DNAI4: variants seen among roughly 807,000 people sequenced by gnomAD.
The protein encoded by DNAI4 is dynein axonemal intermediate chain 4.
In DNAI4, 85 loss-of-function variants were observed where a neutral mutation model predicts 105.8. The observed-to-expected ratio is 0.80, with a 90% CI of 0.67 to 0.96. The LOEUF (loss-of-function observed/expected upper bound fraction) is 0.96. DNAI4 is among the 40% of genes least tolerant of loss of function. The pLI is 0.00. For missense variants in DNAI4, 1,014 were observed against 1,005.6 expected, an observed-to-expected ratio of 1.01 and a Z score of -0.11; for synonymous variants, 352 against 331.5, an observed-to-expected ratio of 1.06 and a Z score of -0.67.
At chr1:66,870,269 C>T (rs1287109600) in intron 6 of DNAI4, among the ~76,000 whole-genome samples, 1 of 151,296 alleles carries the variant, frequency 6.6e-6, no homozygotes, top group African/African-American at 2.4e-5. Context: ...TGGTGAAACC[C>T]CATCTCTACT....
chr1:66,924,502 G>C (rs898356518), intron 1 of DNAI4, among the ~76,000 whole-genome samples, 160 bp downstream of exon 1: 7 of 152,230 alleles, frequency 4.6e-5, no homozygotes, highest in African/African-American at 1.7e-4. Context: ...ACTGCGGTAG[G>C]TCGATAAAGG....
At chr1:66,853,444 C>T (rs1271895636) in intron 7 of DNAI4, among the ~76,000 whole-genome samples, 4 of 152,140 alleles carry the variant, frequency 2.6e-5, no homozygotes, top group Non-Finnish European at 2.9e-5. Context: ...TGGCACACAA[C>T]CACATAGCAA....
intron 4 of DNAI4, among the ~76,000 whole-genome samples, chr1:66,883,716 G>A (rs995986051): frequency 6.6e-6 from 1 of 152,028 alleles, no homozygotes. Context: ...TTTTTAAATT[G>A]TAAAGTGACA....
Position 66,833,709 on chromosome 1 carries a change from G to C in DNAI4, c.1892-3C>G. ...AGTTCTCTTTAATCGCATCAAATCT[G>C]TATTTAAAGAAAAACATATATAACT... On this transcript the variant is annotated splice_polypyrimidine_tract_variant and splice_region_variant and intron_variant, in intron 12 of 16. Coordinates refer to ENST00000371026, the MANE Select transcript of DNAI4 (RefSeq NM_024763.5). The C allele has an allele frequency of 6.2e-7, 1 of 1,609,740 alleles. No homozygotes were observed. The highest frequency in any genetic ancestry group is 2.2e-5 in the East Asian group (1 of 44,806).
At chr1:66,847,904 G>A in intron 7 of DNAI4, 1 of 483,988 alleles carries the variant, frequency 2.1e-6, no homozygotes, top group Non-Finnish European at 3.6e-6. Flanking sequence ...TCAGAAGATA[G>A]GCAATGATAA....
intron 6 of DNAI4, among the ~76,000 whole-genome samples, chr1:66,865,252 C>T (rs1255158766): frequency 6.6e-6 from 1 of 151,990 alleles, no homozygotes; most frequent in African/African-American, 2.4e-5. Context: ...GTGAAAACCC[C>T]ATCTCTACTA....
intron 2 of DNAI4, among the ~76,000 whole-genome samples, chr1:66,897,616 C>A (rs1429071638): frequency 2.0e-5 from 3 of 152,158 alleles, no homozygotes; most frequent in Non-Finnish European, 4.4e-5. Flanking sequence ...CAAGAGCCCA[C>A]TACCCAGAAC....
chr1:66,893,356 G>T lies in DNAI4; in HGVS notation c.403C>A (p.Leu135Ile). 6.2e-7 allele frequency: 1 copy of T among 1,605,988 alleles called. No individual in the cohort carries two copies. Among genetic ancestry groups the T allele is most frequent in the African/African-American group, 1.3e-5 (1 of 74,560 alleles). ...TTACTTGGTTTTGCTGTACCAGTAA[G>T]TGGATCTGGATGGTAAAGAGGTCGG... ...TPRPLYHPDP[L>I]TGTAKPSKLL... Residue 135 changes from leucine (L) to isoleucine (I), a missense_variant, in exon 3 of 17, where the codon CTT becomes ATT. Coordinates refer to ENST00000371026, the MANE Select transcript of DNAI4 (RefSeq NM_024763.5).
At chr1:66,850,663 T>C (rs1646377233) in intron 7 of DNAI4, among the ~76,000 whole-genome samples, 1 of 152,050 alleles carries the variant, frequency 6.6e-6, no homozygotes, top group South Asian at 2.1e-4. Context: ...ATTAAATGTT[T>C]ATATATCTAA....
intron 2 of DNAI4, among the ~76,000 whole-genome samples, chr1:66,895,757 A>C (rs1648272936): frequency 6.6e-6 from 1 of 152,208 alleles, no homozygotes; most frequent in South Asian, 2.1e-4. Flanking sequence ...AAAATCATGA[A>C]TATTAAATGT....
At chr1:66,816,752 CACACACACA>C (rs2100290671) in intron 16 of DNAI4, among the ~76,000 whole-genome samples, 1 of 151,198 alleles carries the variant, frequency 6.6e-6, no homozygotes, top group Non-Finnish European at 1.5e-5. Context: ...CACACACACA[CACACACACA>C]CACACACACA....
intron 9 of DNAI4, among the ~76,000 whole-genome samples, chr1:66,839,114 A>G (rs950214671): frequency 1.3e-5 from 2 of 152,180 alleles, no homozygotes; most frequent in African/African-American, 4.8e-5. Flanking sequence ...AATGTTTCAT[A>G]TATCTTTATT....
intron 1 of DNAI4, among the ~76,000 whole-genome samples, chr1:66,920,718 C>T (rs988543022): frequency 1.3e-5 from 2 of 152,158 alleles, no homozygotes; most frequent in South Asian, 4.1e-4. Context: ...GAGTCACTAT[C>T]CTGCTTCACC....
At chr1:66,912,946 A>G (rs947354858) in intron 1 of DNAI4, among the ~76,000 whole-genome samples, 1 of 152,170 alleles carries the variant, frequency 6.6e-6, no homozygotes, top group Non-Finnish European at 1.5e-5. Flanking sequence ...CTAGGGATCT[A>G]AAGTTTATTT....
chr1:66,816,765 ACACACACACAG>A (rs1645527178), intron 16 of DNAI4, among the ~76,000 whole-genome samples: 1 of 150,092 alleles, frequency 6.7e-6, no homozygotes, highest in Admixed American at 6.7e-5. Flanking sequence ...ACACACACAC[ACACACACACAG>A]GTTTGCCAAA....
chr1:66,827,063 A>C lies in DNAI4; in HGVS notation c.2113-17T>G, dbSNP rs756568780. On this transcript the variant is annotated splice_polypyrimidine_tract_variant and intron_variant, in intron 14 of 16. Transcript: ENST00000371026. ...CACTGGACCCTAGAAATAAAAAAAAAATACATAGGTAAATAATATTTAACA... is the reference window on the plus strand; with the variant it reads ...CACTGGACCCTAGAAATAAAAAAAACATACATAGGTAAATAATATTTAACA... 6.4e-7 allele frequency: 1 copy of C among 1,566,014 alleles called. No homozygotes were observed. Among genetic ancestry groups the C allele is most frequent in the South Asian group, 1.2e-5 (1 of 84,334 alleles).
intron 8 of DNAI4, among the ~76,000 whole-genome samples, chr1:66,841,028 T>TA (rs1421407442): frequency 6.6e-6 from 1 of 152,220 alleles, no homozygotes; most frequent in Non-Finnish European, 1.5e-5. Flanking sequence ...CCTTAGAAGA[T>TA]ACAGCTCAAC....
chr1:66,914,951 T>G (rs760986535), intron 1 of DNAI4, among the ~76,000 whole-genome samples: 1 of 152,236 alleles, frequency 6.6e-6, no homozygotes, highest in Non-Finnish European at 1.5e-5. Context: ...AAGCTAGCTT[T>G]AAAATTACTG....
Position 66,835,628 on chromosome 1 carries a change from A to G in DNAI4, c.1731T>C (p.Ser577=). 1 of 1,613,746 alleles carries G rather than the reference A, an allele frequency of 6.2e-7. No homozygotes were observed. The highest frequency in any genetic ancestry group is 1.3e-5 in the African/African-American group (1 of 75,056). The part of the protein sequence containing the change: ...RSNSNVPVLD[S]SESPQKHLGP... ...TTATCTAATTCTCGGATTCTTACCT[A>G]CTATCCAGAACTGGAACATTACTGT... The change falls in exon 11 of 17, where the codon AGT becomes AGC. Residue 577 remains serine (S), a splice_region_variant and synonymous_variant. Coordinates refer to ENST00000371026, the MANE Select transcript of DNAI4 (RefSeq NM_024763.5).
Sources: allele counts gnomAD v4.1 joint callset (sites outside exome capture counted in the v4.1 genomes callset), GRCh38; gene constraint gnomAD v4.1.1; transcripts MANE v1.5; gene names NCBI Gene and HGNC (gene_info 2026-07-23, HGNC 2026-07-21).